The following DCLK1 variants were observed in gnomAD, a reference collection of about 807,000 sequenced individuals.
The protein encoded by DCLK1 is serine/threonine-protein kinase DCLK1.
DCLK1 carries 16 observed loss-of-function variants against 86.2 expected under a neutral mutation model. The observed-to-expected ratio is 0.19, with a 90% CI of 0.13 to 0.28. The LOEUF is 0.28. DCLK1 is among the 10% of genes least tolerant of loss of function. The pLI is 1.00. For synonymous variants in DCLK1, 369 were observed against 370.5 expected, an observed-to-expected ratio of 1.00 and a Z score of 0.05; for missense variants, 590 against 940.2, an observed-to-expected ratio of 0.63 and a Z score of 4.87.
intron 3 of DCLK1, among the ~76,000 whole-genome samples, chr13:35,970,224 T>A (rs1434878382): frequency 1.3e-5 from 2 of 152,192 alleles, no homozygotes; most frequent in Non-Finnish European, 2.9e-5. Context: ...TGTTTTCCAT[T>A]CGTGGCTCCA....
At chr13:36,080,990 A>G (rs2087136182) in intron 3 of DCLK1, among the ~76,000 whole-genome samples, 1 of 152,140 alleles carries the variant, frequency 6.6e-6, no homozygotes, top group South Asian at 2.1e-4. Flanking sequence ...ACAGGCCCCA[A>G]CAGTACAGAC....
intron 16 of DCLK1, among the ~76,000 whole-genome samples, chr13:35,786,797 T>G (rs1347187498): frequency 2.0e-5 from 3 of 152,160 alleles, no homozygotes; most frequent in Admixed American, 6.5e-5. Context: ...TCTACATCCA[T>G]AAGGCCAATT....
intron 2 of DCLK1, among the ~76,000 whole-genome samples, chr13:36,122,551 G>C (rs1256926120): frequency 1.3e-5 from 2 of 152,098 alleles, no homozygotes; most frequent in African/African-American, 2.4e-5. Context: ...GAGTTCAAAG[G>C]CTTTAAATGT....
chr13:36,007,825 C>A (rs933215155), intron 3 of DCLK1, among the ~76,000 whole-genome samples: 1 of 152,066 alleles, frequency 6.6e-6, no homozygotes, highest in Non-Finnish European at 1.5e-5. Flanking sequence ...CATCTGATCA[C>A]TTTTGGCATA....
At chr13:36,102,416 CA>C (rs1271379800) in intron 3 of DCLK1, among the ~76,000 whole-genome samples, 2 of 152,146 alleles carry the variant, frequency 1.3e-5, no homozygotes, top group Non-Finnish European at 2.9e-5. Context: ...TAAGAAATGT[CA>C]TTTAACAAAT....
chr13:35,983,983 C>A (rs1031080983), intron 3 of DCLK1, among the ~76,000 whole-genome samples: 1 of 152,184 alleles, frequency 6.6e-6, no homozygotes, highest in Non-Finnish European at 1.5e-5. Context: ...TATGGGGAAA[C>A]TGCTCAACCA....
chr13:35,970,166 C>T (rs545215428), intron 3 of DCLK1, among the ~76,000 whole-genome samples: 9 of 152,302 alleles, frequency 5.9e-5, no homozygotes, highest in African/African-American at 1.9e-4. Context: ...CTTTTCAAAG[C>T]TGCCTAGCTT....
chr13:35,824,513 A>G (rs2087475266), intron 10 of DCLK1, among the ~76,000 whole-genome samples: 1 of 151,924 alleles, frequency 6.6e-6, no homozygotes, highest in Non-Finnish European at 1.5e-5. Context: ...TGCAGTCAAC[A>G]GGTCTTATCG....
At chr13:35,787,106 C>T (rs1045994310) in intron 16 of DCLK1, among the ~76,000 whole-genome samples, 8 of 150,704 alleles carry the variant, frequency 5.3e-5, no homozygotes, top group Non-Finnish European at 1.0e-4. Context: ...TATACACACA[C>T]ATACACATTA....
At chr13:36,084,357 G>A (rs1884524158) in intron 3 of DCLK1, among the ~76,000 whole-genome samples, 1 of 152,152 alleles carries the variant, frequency 6.6e-6, no homozygotes, top group Non-Finnish European at 1.5e-5. Flanking sequence ...TTTTTCAAAT[G>A]ACTGACGTAC....
chr13:36,060,691 T>TA (rs1168794583), intron 3 of DCLK1, among the ~76,000 whole-genome samples: 2 of 152,024 alleles, frequency 1.3e-5, no homozygotes, highest in Non-Finnish European at 2.9e-5. Context: ...AATGAGTTAA[T>TA]AAAAAAAGAT....
Position 36,126,130 on chromosome 13 carries a change from A to C in DCLK1, c.8T>G (p.Phe3Cys), listed in dbSNP as rs1335613725. ...GTGCTCCAGCTCCATGTCTCTGCCG[A>C]AGGACATGATGGACTTCAAGTAGGA... is the stretch of plus-strand genomic sequence containing the variant. Reference protein sequence around the residue: MSFGRDMELEHFD... With the variant: MSCGRDMELEHFD... Residue 3 changes from phenylalanine (F) to cysteine (C), a missense_variant, in exon 2 of 17, where the codon TTC becomes TGC. Around this residue, in one of 6 missense-constraint regions of DCLK1, gnomAD observed 50 missense variants for 47.8 expected, o/e 1.05. Coordinates refer to ENST00000360631, the MANE Select transcript of DCLK1 (RefSeq NM_001330071.2). The C allele has an allele frequency of 6.3e-7, 1 of 1,591,000 alleles. No homozygotes were observed. The highest frequency in any genetic ancestry group is 8.6e-7 in the Non-Finnish European group (1 of 1,168,998).
chr13:35,997,328 ATTATCT>A (rs1880518133), intron 3 of DCLK1, among the ~76,000 whole-genome samples: 1 of 152,222 alleles, frequency 6.6e-6, no homozygotes, highest in African/African-American at 2.4e-5. Flanking sequence ...GGCAGATATG[ATTATCT>A]TTAATTTCTT....
chr13:35,788,173 C>T (rs2086654102), intron 16 of DCLK1: 18 of 1,599,120 alleles, frequency 1.1e-5, no homozygotes, highest in Non-Finnish European at 1.4e-5. Flanking sequence ...CAGCACGTTG[C>T]CATGGAAACA....
At chr13:35,799,742 T>A (rs1593602087) in intron 15 of DCLK1, among the ~76,000 whole-genome samples, 1 of 152,176 alleles carries the variant, frequency 6.6e-6, no homozygotes, top group East Asian at 1.9e-4. Flanking sequence ...TAATTATATA[T>A]AAGAATTTTT....
intron 3 of DCLK1, among the ~76,000 whole-genome samples, chr13:35,950,079 C>T (rs1338824075): frequency 6.6e-6 from 1 of 152,210 alleles, no homozygotes; most frequent in Non-Finnish European, 1.5e-5. Flanking sequence ...TCCGTGCTTT[C>T]TGTTCGAAAT....
Position 36,112,130 on chromosome 13 carries a change from G to A in DCLK1, c.462C>T (p.Val154=), listed in dbSNP as rs200448245. 935 of 1,613,636 alleles carry A rather than the reference G, an allele frequency of 5.8e-4. 9 individuals carry two copies. Among genetic ancestry groups the A allele is most frequent in the Non-Finnish European group, 2.7e-5 (32 of 1,179,670 alleles). The change falls in exon 3 of 17, where the codon GTC becomes GTT. Residue 154 remains valine, a synonymous_variant. Coordinates refer to ENST00000360631, the MANE Select transcript of DCLK1 (RefSeq NM_001330071.2). ...CTGCCCGAGAAGCCGAGGTGGTCTT[G>A]ACGTTCACCGACCAGTTGGGGTTCA... ...KNVNPNWSVN[V]KTTSASRAVS...
chr13:35,810,015 C>T (rs1265747649), intron 12 of DCLK1, among the ~76,000 whole-genome samples: 1 of 152,124 alleles, frequency 6.6e-6, no homozygotes, highest in Non-Finnish European at 1.5e-5. Flanking sequence ...CCCCTCAGTG[C>T]CCCACCCTGT....
chr13:35,838,376 G>T (rs1220712125), intron 7 of DCLK1, among the ~76,000 whole-genome samples: 2 of 152,166 alleles, frequency 1.3e-5, no homozygotes, highest in Non-Finnish European at 2.9e-5. Flanking sequence ...ACAGTGGCTT[G>T]ATGGTATCAC....
Sources: gnomAD v4.1 joint callset for allele counts (sites outside exome capture counted in the v4.1 genomes callset) on GRCh38, gnomAD v4.1.1 for gene constraint, gnomAD v4.1.1 regional missense constraint, MANE v1.5 for transcripts, NCBI Gene and HGNC (gene_info 2026-07-23, HGNC 2026-07-21) for gene names.